Variants in TEX11 observed in about 807,000 individuals in gnomAD.
TEX11 encodes the protein testis-expressed protein 11.
A neutral mutation model predicts 84.4 loss-of-function variants in TEX11; 7 were observed. The ratio of observed to expected loss-of-function variants is 0.08; its 90% CI spans 0.05 to 0.16. The LOEUF is 0.16. TEX11 is among the 10% of genes least tolerant of loss of function. The pLI, the probability that TEX11 is intolerant of heterozygous loss-of-function variation, is 1.00. For missense variants in TEX11, 551 were observed against 660.5 expected (o/e 0.83, Z 1.82); for synonymous variants, 264 against 222.8 (o/e 1.18, Z -1.64).
intron 25 of TEX11, among the ~76,000 whole-genome samples, chrX:70,575,882 G>A (rs2088667570): frequency 9.0e-6 from 1 of 111,210 alleles, no homozygotes; most frequent in Admixed American, 9.6e-5. Flanking sequence ...ATCACCTTTT[G>A]GAATAGATCA....
At chrX:70,603,822 C>A (rs1421361334) in intron 24 of TEX11, among the ~76,000 whole-genome samples, 1 of 110,435 alleles carries the variant, frequency 9.1e-6, no homozygotes, top group Non-Finnish European at 1.9e-5. Context: ...GGGCTAATAT[C>A]CAGAATCTAC....
intron 2 of TEX11, chrX:70,897,625 AAGG>A (rs2091776957): frequency 2.4e-5 from 2 of 84,282 alleles, no homozygotes; most frequent in Admixed American, 2.8e-4. Flanking sequence ...GGAAGGAAGG[AAGG>A]AAGGAAGGAA....
chrX:70,641,032 G>C (rs2147585262), intron 17 of TEX11, among the ~76,000 whole-genome samples: 1 of 110,785 alleles, frequency 9.0e-6, no homozygotes, highest in Admixed American at 9.6e-5. Flanking sequence ...CATCTCACTT[G>C]CAGAGACACA....
chrX:70,875,201 A>G (rs1229796731), intron 3 of TEX11, among the ~76,000 whole-genome samples: 2 of 109,992 alleles, frequency 1.8e-5, no homozygotes, highest in Admixed American at 1.9e-4. Context: ...AAATGAGTAA[A>G]TAAATAAATA....
intron 15 of TEX11, 96 bp from the exon 16 acceptor site, chrX:70,670,610 CTT>C: frequency 1.0e-6 from 1 of 971,870 alleles, no homozygotes; most frequent in East Asian, 3.3e-5. Context: ...CTGTTGGTTT[CTT>C]TTTTAGGCAA....
chrX:70,770,413 C>A (rs1315968908), intron 9 of TEX11, among the ~76,000 whole-genome samples: 1 of 110,919 alleles, frequency 9.0e-6, no homozygotes, highest in Non-Finnish European at 1.9e-5. Context: ...CTTTTAAATG[C>A]AGTATAGAAA....
intron 13 of TEX11, among the ~76,000 whole-genome samples, chrX:70,713,319 G>A (rs2090459093): frequency 8.9e-6 from 1 of 112,016 alleles, no homozygotes; most frequent in African/African-American, 3.2e-5. Flanking sequence ...GTGAGTTACG[G>A]AGGATTCCCT....
In TEX11 at chrX:70,722,701, C is replaced by T; in HGVS notation, c.926-5G>A. 8.5e-7 allele frequency: 1 copy of T among 1,170,141 alleles called. No individual in the cohort carries two copies. ...GATGTAGTATTTCCATGACAGCTAA[C>T]AAGATGAAAAAATGAAATAATTATC... On this transcript the variant is annotated splice_polypyrimidine_tract_variant and splice_region_variant and intron_variant, in intron 12 of 29. Coordinates refer to ENST00000374333, the MANE Select transcript of TEX11 (RefSeq NM_031276.3).
intron 9 of TEX11, among the ~76,000 whole-genome samples, chrX:70,746,184 G>A (rs1056387970): frequency 1.8e-5 from 2 of 111,636 alleles, no homozygotes; most frequent in African/African-American, 6.5e-5. Context: ...CAGCCAAGAA[G>A]ATAGGAATTC....
intron 9 of TEX11, among the ~76,000 whole-genome samples, chrX:70,770,701 T>C (rs2090967304): frequency 8.9e-6 from 1 of 111,837 alleles, no homozygotes; most frequent in South Asian, 3.7e-4. Flanking sequence ...GATGTATACC[T>C]GTTATGTACA....
chrX:70,610,492 GA>G lies in TEX11; in HGVS notation c.1792+10del. On this transcript the variant is annotated intron_variant, in intron 21 of 29. Transcript: ENST00000374333. Reference sequence around the variant, plus strand: ...AGATGAAGGACTGAATATAACCAGGGAGATATTTACCTCTATTCAGGCAAGT... The same window carrying G: ...AGATGAAGGACTGAATATAACCAGGGGATATTTACCTCTATTCAGGCAAGT... 8.3e-7 allele frequency: 1 copy of G among 1,199,519 alleles called. No individual in the cohort carries two copies. The highest frequency in any genetic ancestry group is 2.2e-5 in the Admixed American group (1 of 45,116).
At chrX:70,898,354 G>T in intron 2 of TEX11, among the ~76,000 whole-genome samples, 1 of 112,307 alleles carries the variant, frequency 8.9e-6, no homozygotes, top group Non-Finnish European at 1.9e-5. Context: ...CTTCACTGAA[G>T]TGTTACTTGA....
chrX:70,871,695 C>T (rs1051280612), intron 4 of TEX11, among the ~76,000 whole-genome samples: 2 of 111,077 alleles, frequency 1.8e-5, no homozygotes, highest in Non-Finnish European at 3.8e-5. Flanking sequence ...AGAACTGCTA[C>T]GTGAAATGAG....
intron 9 of TEX11, among the ~76,000 whole-genome samples, chrX:70,773,243 CA>C (rs201845268): frequency 2.9e-4 from 30 of 104,144 alleles, no homozygotes; most frequent in Admixed American, 6.2e-4. Flanking sequence ...TAATAAAAGT[CA>C]AAAAAAAAGG....
chrX:70,714,003 A>C (rs747187065), intron 13 of TEX11, among the ~76,000 whole-genome samples: 1 of 110,940 alleles, frequency 9.0e-6, no homozygotes, highest in African/African-American at 3.3e-5. Context: ...CTTTGTTCTC[A>C]TTGGTTTCAA....
At chrX:70,689,239 T>G (rs1219173890) in intron 13 of TEX11, among the ~76,000 whole-genome samples, 1 of 111,163 alleles carries the variant, frequency 9.0e-6, no homozygotes, top group African/African-American at 3.3e-5. Context: ...TACGTTTAAC[T>G]TAATATAGAT....
At chrX:70,569,914 G>T (rs2147968294) in intron 25 of TEX11, among the ~76,000 whole-genome samples, 1 of 111,757 alleles carries the variant, frequency 8.9e-6, no homozygotes, top group African/African-American at 3.2e-5. Context: ...CTGTGTGCTG[G>T]GAGAACCACT....
At chrX:70,873,780 A>G (rs750758563) in intron 3 of TEX11, among the ~76,000 whole-genome samples, 9 of 111,815 alleles carry the variant, frequency 8.0e-5, no homozygotes, top group African/African-American at 1.6e-4. Flanking sequence ...CAGTGGTACA[A>G]AATGTATGTT....
rs905363724 is a variant in TEX11, at chrX:70,907,681, C to A, written c.37+72G>T. On this transcript the variant is annotated intron_variant, in intron 2 of 29. Transcript: ENST00000374333. ...TGCTGAGATTACAGGCGTGAGCCAC[C>A]GCGCCCAGCAATATTTAGATCTTAA... The A allele has an allele frequency of 1.5e-5, 13 of 858,991 alleles. No individual in the cohort carries two copies. In the East Asian group the frequency reaches 4.1e-4, roughly 27 times the overall value. 70.8% of individuals were successfully genotyped at this position (858,991 alleles called of 1,213,427 possible).
Sources: allele counts gnomAD v4.1 joint callset (sites outside exome capture counted in the v4.1 genomes callset), GRCh38; gene constraint gnomAD v4.1.1; transcripts MANE v1.5; gene names NCBI Gene and HGNC (gene_info 2026-07-23, HGNC 2026-07-21).